The following MST1R variants were observed in gnomAD, a reference collection of about 807,000 sequenced individuals.
The protein encoded by MST1R is macrophage stimulating 1 receptor, also known as macrophage-stimulating protein receptor.
A neutral mutation model predicts 117.8 loss-of-function variants in MST1R; 99 were observed. That is an observed-to-expected ratio of 0.84 (90% CI 0.71 to 0.99). The LOEUF (loss-of-function observed/expected upper bound fraction) is 0.99. Among genes scored for constraint, MST1R ranks in the 50% least tolerant of loss-of-function variants. The pLI, the probability that MST1R is intolerant of heterozygous loss-of-function variation, is 0.00. For synonymous variants in MST1R, 734 were observed against 765.3 expected, an observed-to-expected ratio of 0.96 and a Z score of 0.68; for missense variants, 1,683 against 1,840.2, an observed-to-expected ratio of 0.91 and a Z score of 1.56.
Position 49,902,976 on chromosome 3 carries a change from T to G in MST1R, c.634A>C (p.Ser212Arg). ...SLDAAVAASF[S>R]PRSVSIRRLK... is the part of the protein sequence containing the mutation. ...CGCCTGATAGACACTGAGCGTGGGC[T>G]GAAGCTGGCAGCCACGGCTGCGTCC... The change falls in exon 1 of 20, where the codon AGC becomes CGC. Residue 212 changes from serine (S) to arginine (R), a missense_variant. By Grantham distance (110) the Ser-to-Arg change is moderately radical (BLOSUM62 -1). Coordinates refer to ENST00000296474, the MANE Select transcript of MST1R (RefSeq NM_002447.4). The G allele has an allele frequency of 1.9e-6, 3 of 1,613,204 alleles. No individual in the cohort carries two copies. The highest frequency in any genetic ancestry group is 2.5e-6 in the Non-Finnish European group (3 of 1,180,012).
intron 14 of MST1R, among the ~76,000 whole-genome samples, chr3:49,893,525 A>G (rs953012663): frequency 2.6e-5 from 4 of 151,224 alleles, no homozygotes; most frequent in African/African-American, 9.7e-5. Flanking sequence ...AATTGCTTGA[A>G]CCTGGGAGGG....
chr3:49,897,252 C>G (rs1207056102), intron 7 of MST1R, 28 bp downstream of exon 7: 3 of 1,578,610 alleles, frequency 1.9e-6, no homozygotes, highest in Non-Finnish European at 2.6e-6. Context: ...AACCCTGCGG[C>G]CTCCCATGCC....
At chr3:49,890,289 A>C (rs12495831) in intron 18 of MST1R, among the ~76,000 whole-genome samples, 196 bp downstream of exon 18, 11,331 of 152,252 alleles carry the variant, frequency 0.074, 449 homozygotes, top group African/African-American at 0.089. Flanking sequence ...GTGAGGAGCC[A>C]GTGAGTTCCC....
chr3:49,899,467 G>A, intron 1 of MST1R: 1 of 581,258 alleles, frequency 1.7e-6, no homozygotes. Flanking sequence ...GCCCAGGCTG[G>A]AAGGTCCACT....
intron 1 of MST1R, among the ~76,000 whole-genome samples, chr3:49,900,664 G>A (rs1216359819): frequency 6.6e-6 from 1 of 152,190 alleles, no homozygotes; most frequent in South Asian, 2.1e-4. Context: ...GGCTTGGCCC[G>A]AGCCGGAAGG....
chr3:49,900,810 T>G (rs1005657517), intron 1 of MST1R, among the ~76,000 whole-genome samples: 4 of 152,104 alleles, frequency 2.6e-5, no homozygotes, highest in Admixed American at 2.6e-4. Context: ...CAGGCTTAGG[T>G]AGGGGCCCCC....
chr3:49,903,304 C>G lies in MST1R; in HGVS notation c.306G>C (p.Gln102His), dbSNP rs368246688. ...ATGPAGDPGC[Q>H]TCAACGPGPH... ...GTCCTGGGCCACAGGCTGCACACGTCTGGCAGCCAGGGTCTCCAGCAGGGC... is the reference window on the plus strand; with the variant it reads ...GTCCTGGGCCACAGGCTGCACACGTGTGGCAGCCAGGGTCTCCAGCAGGGC... The change falls in exon 1 of 20, where the codon CAG (glutamine) becomes CAC (histidine). Residue 102 changes from glutamine to histidine, a missense_variant. Transcript: ENST00000296474. 3.0e-5 allele frequency: 49 copies of G among 1,612,518 alleles called. No individual in the cohort carries two copies. The highest frequency in any genetic ancestry group is 4.0e-5 in the Non-Finnish European group (47 of 1,179,968).
At chr3:49,891,862 C>T (rs776509036) in intron 14 of MST1R, 24 bp from the exon 15 acceptor site, 240 of 1,609,092 alleles carry the variant, frequency 1.5e-4, no homozygotes, top group Non-Finnish European at 2.0e-4. Flanking sequence ...CATAATGAGT[C>T]GATGAGAGGG....
At position 49,903,214 on chromosome 3, in the gene MST1R, C is replaced by G. The variant is rs143144426; in HGVS notation, c.396G>C (p.Leu132=). 1.2e-6 allele frequency: 2 copies of G among 1,606,582 alleles called. No homozygotes were observed. Among genetic ancestry groups the G allele is most frequent in the African/African-American group, 2.7e-5 (2 of 74,940 alleles). ...CCTGCAGGCTGGAGCCACAACTGAC[C>G]AGCGCAGGCAGCGCGGGATCCAGCA... ...VLVLDPALPA[L]VSCGSSLQGR... The change falls in exon 1 of 20, where the codon CTG becomes CTC. Residue 132 remains leucine, a synonymous_variant. Transcript: ENST00000296474.
chr3:49,889,469 C>A (rs2082251112), intron 19 of MST1R, among the ~76,000 whole-genome samples: 1 of 152,180 alleles, frequency 6.6e-6, no homozygotes, highest in Admixed American at 6.5e-5. Flanking sequence ...ACCGAACCCA[C>A]CCCGTAGGCA....
chr3:49,890,454 C>T (rs1178742862), intron 18 of MST1R, 31 bp downstream of exon 18: 44 of 1,593,638 alleles, frequency 2.8e-5, no homozygotes, highest in Non-Finnish European at 3.7e-5. Context: ...GTGCCAAAGC[C>T]ATGTGGACTG....
chr3:49,891,987 A>C, intron 14 of MST1R, 149 bp from the exon 15 acceptor site: 1 of 551,150 alleles, frequency 1.8e-6, no homozygotes, highest in Non-Finnish European at 3.1e-6. Flanking sequence ...TTTTTTTGAG[A>C]CCGAGTCTCA....
rs66742220 is a variant in MST1R, at chr3:49,899,560, CTTTTTTTTTTTTTTTTT to C, written c.1231-314_1231-298del. ...CCATCCTCACAACCACCCCGTACAT[CTTTTTTTTTTTTTTTTT>C]TTTTTTTTTTTTTTTTGAGACGGAG... On this transcript the variant is annotated intron_variant, in intron 1 of 19. Transcript: ENST00000296474. 40 of 66,394 alleles carry C rather than the reference CTTTTTTTTTTTTTTTTT, an allele frequency of 6.0e-4. 1 individual carries two copies. The East Asian group carries it at 8.6e-3, about 14-fold the overall frequency. The allele number at this position is 66,394 out of a possible 1,614,324, so 4.1% of individuals were successfully genotyped here. A position where few individuals can be genotyped will look rare whatever the true frequency, so the allele number is the denominator to read the frequency against.
intron 1 of MST1R, among the ~76,000 whole-genome samples, chr3:49,901,272 G>A (rs1030984832): frequency 3.9e-5 from 6 of 152,234 alleles, no homozygotes; most frequent in Non-Finnish European, 7.3e-5. Context: ...ATCAATAGGA[G>A]CGGAAAGGAG....
Position 49,896,371 on chromosome 3 carries a change from G to C in MST1R, c.2473C>G (p.Arg825Gly). The change falls in exon 10 of 20, where the codon CGC (arginine) becomes GGC (glycine). Residue 825 changes from arginine to glycine, a missense_variant. By Grantham distance (125) the Arg-to-Gly change is moderately radical (BLOSUM62 -2). Transcript: ENST00000296474. ...TCTCGGACCACATATTCAGGAAGGC[G>C]GCACAGCTGCTGCTCTGGAAGCTGC... is the stretch of plus-strand genomic sequence containing the variant. The part of the protein sequence containing the change: ...ERQLPEQQLC[R>G]LPEYVVRDPQ... The C allele has an allele frequency of 1.2e-6, 2 of 1,613,786 alleles. No individual in the cohort carries two copies. The highest frequency in any genetic ancestry group is 1.7e-6 in the Non-Finnish European group (2 of 1,179,968).
rs763453660 is a variant in MST1R, at chr3:49,902,515, G to A, written c.1095C>T (p.Val365=). The A allele has an allele frequency of 5.0e-6, 8 of 1,614,006 alleles. No homozygotes were observed. The highest frequency in any genetic ancestry group is 1.6e-4 in the Middle Eastern group (1 of 6,084). ...GCAGGTCAATGGGGAAGGCACAGACGACAGAGTTGGGGCCCACGCCAGGAC... is the reference window on the plus strand; with the variant it reads ...GCAGGTCAATGGGGAAGGCACAGACAACAGAGTTGGGGCCCACGCCAGGAC... The part of the protein sequence containing the change: ...DGGPGVGPNS[V]VCAFPIDLLD... Residue 365 remains valine (V), a synonymous_variant, in exon 1 of 20, where the codon GTC becomes GTT. Transcript: ENST00000296474.
intron 7 of MST1R, 134 bp downstream of exon 7, chr3:49,897,146 G>A: frequency 7.4e-7 from 1 of 1,352,030 alleles, no homozygotes; most frequent in Non-Finnish European, 1.0e-6. Flanking sequence ...GAGGGCAGTA[G>A]TCTTTTCTTC....
chr3:49,900,183 C>T (rs74673185), intron 1 of MST1R, among the ~76,000 whole-genome samples: 1 of 152,196 alleles, frequency 6.6e-6, no homozygotes, highest in African/African-American at 2.4e-5. Context: ...CCTATACCCC[C>T]CTTCAGGGTA....
At chr3:49,893,455 T>C (rs1196588544) in intron 14 of MST1R, among the ~76,000 whole-genome samples, 1 of 145,446 alleles carries the variant, frequency 6.9e-6, no homozygotes, top group Non-Finnish European at 1.5e-5. Context: ...AATACAAAAA[T>C]TAGCCAGGTG....
Sources: gnomAD v4.1 joint callset for allele counts (sites outside exome capture counted in the v4.1 genomes callset) on GRCh38, gnomAD v4.1.1 for gene constraint, MANE v1.5 for transcripts, NCBI Gene and HGNC (gene_info 2026-07-23, HGNC 2026-07-21) for gene names.